The following DOCK7 variants were observed in gnomAD, a reference collection of about 807,000 sequenced individuals.
The protein encoded by DOCK7 is dedicator of cytokinesis protein 7.
Under a neutral mutation model 271.0 loss-of-function variants are expected in DOCK7, and 138 were observed. The observed-to-expected ratio is 0.51, with a 90% CI of 0.44 to 0.59. DOCK7 has a LOEUF of 0.59. Ranked by LOEUF, DOCK7 falls within the 20% of genes least tolerant of loss-of-function variation. DOCK7 has a pLI of 0.00. For missense variants in DOCK7, 2,066 were observed against 2,592.4 expected (o/e 0.80, Z 4.41); for synonymous variants, 823 against 876.1 (o/e 0.94, Z 1.07).
At position 62,539,824 on chromosome 1, in the gene DOCK7, T is replaced by C. The variant is rs771284732; in HGVS notation, c.3114A>G (p.Pro1038=). Residue 1038 remains proline (P), a synonymous_variant, in exon 26 of 50, where the codon CCA becomes CCG. Coordinates refer to ENST00000635253, the MANE Select transcript of DOCK7 (RefSeq NM_001367561.1). ...CTGCAATGTCATCCATGAAACGTTC[T>C]GGAAAACGACTTTTCCTTGGAGCCT... The part of the protein sequence containing the change: ...KLEAPRKSRF[P]ERFMDDIAAL... 5.6e-6 allele frequency: 9 copies of C among 1,613,792 alleles called. 1 individual carries two copies. The South Asian group carries it at 7.7e-5, about 14-fold the overall frequency.
Position 62,457,442 on chromosome 1 carries a change from G to C in DOCK7, c.6380+96C>G, listed in dbSNP as rs1320955227. 6 of 1,266,312 alleles carry C rather than the reference G, an allele frequency of 4.7e-6. No homozygotes were observed. In the African/African-American group the frequency reaches 6.0e-5, roughly 13 times the overall value. The allele number at this position is 1,266,312 out of a possible 1,614,324, so 78.4% of individuals were successfully genotyped here. On this transcript the variant is annotated intron_variant, in intron 49 of 49. Coordinates refer to ENST00000635253, the MANE Select transcript of DOCK7 (RefSeq NM_001367561.1). Reference sequence around the variant, plus strand: ...AACACTTCTGGTCCTAAGCTTTTCGGATGACAGATGCTCGAGCTGTAAAAA... The same window carrying C: ...AACACTTCTGGTCCTAAGCTTTTCGCATGACAGATGCTCGAGCTGTAAAAA...
chr1:62,645,066 C>T (rs1458553449), intron 7 of DOCK7, among the ~76,000 whole-genome samples: 3 of 152,028 alleles, frequency 2.0e-5, no homozygotes, highest in Non-Finnish European at 4.4e-5. Context: ...TTGGTGAAAA[C>T]GTGGAGAAAT....
chr1:62,604,296 T>C, intron 14 of DOCK7: 1 of 1,587,638 alleles, frequency 6.3e-7, no homozygotes, highest in Non-Finnish European at 8.6e-7. Context: ...CCCACATTAT[T>C]AGCTATTATC....
At position 62,620,002 on chromosome 1, in the gene DOCK7, A is replaced by G; in HGVS notation, c.1426-9T>C. 1 of 1,602,808 alleles carries G rather than the reference A, an allele frequency of 6.2e-7. No individual in the cohort carries two copies. The highest frequency in any genetic ancestry group is 1.1e-5 in the South Asian group (1 of 90,210). On this transcript the variant is annotated splice_polypyrimidine_tract_variant and intron_variant, in intron 12 of 49. Coordinates refer to ENST00000635253, the MANE Select transcript of DOCK7 (RefSeq NM_001367561.1). ...CTTAAGCGGTCTCCTTCCTGATTTCAATAATAGAGGAAAAAGTATTTGATA... is the reference window on the plus strand; with the variant it reads ...CTTAAGCGGTCTCCTTCCTGATTTCGATAATAGAGGAAAAAGTATTTGATA...
intron 11 of DOCK7, among the ~76,000 whole-genome samples, chr1:62,626,235 C>T (rs1653938331): frequency 6.6e-6 from 1 of 151,890 alleles, no homozygotes. Context: ...AAGCAGTGCT[C>T]GGGGGAGGAT....
At chr1:62,530,996 A>C (rs774750355) in intron 29 of DOCK7, 2 of 152,202 alleles carry the variant, frequency 1.3e-5, no homozygotes, top group Non-Finnish European at 2.9e-5. Context: ...CGGTGGGTGG[A>C]AAGTATACAT....
At chr1:62,531,316 C>T (rs1219947206) in intron 29 of DOCK7, among the ~76,000 whole-genome samples, 1 of 152,196 alleles carries the variant, frequency 6.6e-6, no homozygotes, top group African/African-American at 2.4e-5. Flanking sequence ...TTTTCATATG[C>T]TTACATTGCT....
chr1:62,585,625 T>C (rs1273261389), intron 15 of DOCK7, among the ~76,000 whole-genome samples: 9 of 152,182 alleles, frequency 5.9e-5, no homozygotes, highest in African/African-American at 2.2e-4. Flanking sequence ...CTGTCATTAC[T>C]GTTCACAGGC....
In DOCK7 at chr1:62,475,312, G is replaced by T; in HGVS notation, c.6001C>A (p.Gln2001Lys). The change falls in exon 47 of 50, where the codon CAG (glutamine) becomes AAG (lysine). Residue 2001 changes from glutamine (Q) to lysine (K), a missense_variant. Coordinates refer to ENST00000635253, the MANE Select transcript of DOCK7 (RefSeq NM_001367561.1). ...AATGCCAACTCCTGTGTCTTTTTCTGCATGTCCTCAATAGCAACTTCAATT... is the reference window on the plus strand; with the variant it reads ...AATGCCAACTCCTGTGTCTTTTTCTTCATGTCCTCAATAGCAACTTCAATT... ...TPIEVAIEDM[Q>K]KKTQELAFAT... 1 of 1,613,912 alleles carries T rather than the reference G, an allele frequency of 6.2e-7. No homozygotes were observed. Among genetic ancestry groups the T allele is most frequent in the Non-Finnish European group, 8.5e-7 (1 of 1,179,908 alleles).
intron 43 of DOCK7, among the ~76,000 whole-genome samples, chr1:62,480,095 C>T (rs925743219): frequency 6.6e-6 from 1 of 152,110 alleles, no homozygotes; most frequent in Non-Finnish European, 1.5e-5. Context: ...GGACTTGTTC[C>T]CTTTAGTTAA....
At chr1:62,682,852 T>C (rs759030948) in intron 1 of DOCK7, among the ~76,000 whole-genome samples, 1 of 151,702 alleles carries the variant, frequency 6.6e-6, no homozygotes, top group South Asian at 2.1e-4. Context: ...AAAAAGGGAG[T>C]AGATTGAAGA....
At chr1:62,578,116 G>A (rs1204245076) in intron 17 of DOCK7, among the ~76,000 whole-genome samples, 1 of 151,952 alleles carries the variant, frequency 6.6e-6, no homozygotes, top group African/African-American at 2.4e-5. Context: ...TAGAGATGGG[G>A]TTATGCCAAG....
In DOCK7 at chr1:62,513,516, T is replaced by C. The variant is rs1191035066; in HGVS notation, c.4210A>G (p.Ile1404Val). The C allele has an allele frequency of 5.0e-6, 8 of 1,614,016 alleles. No homozygotes were observed. Among genetic ancestry groups the C allele is most frequent in the East Asian group, 4.5e-5 (2 of 44,886 alleles). The change falls in exon 33 of 50, where the codon ATA becomes GTA. Residue 1404 changes from isoleucine to valine, a missense_variant. Transcript: ENST00000635253. The part of the protein sequence containing the change: ...AKLEEAILGS[I>V]GARQEMVRRS... ...CGTACCATTTCTTGCCTGGCACCTA[T>C]GCTCCCAAGAATAGCTTCTTCAAGC...
At chr1:62,464,031 A>G (rs1297722480) in intron 48 of DOCK7, among the ~76,000 whole-genome samples, 1 of 152,202 alleles carries the variant, frequency 6.6e-6, no homozygotes, top group Non-Finnish European at 1.5e-5. Flanking sequence ...AAACACATGG[A>G]AAAGTGCTTA....
At chr1:62,586,046 T>C (rs1486717033) in intron 15 of DOCK7, among the ~76,000 whole-genome samples, 1 of 152,092 alleles carries the variant, frequency 6.6e-6, no homozygotes, top group South Asian at 2.1e-4. Flanking sequence ...CATATTAAAA[T>C]CACCCACGGA....
intron 2 of DOCK7, among the ~76,000 whole-genome samples, 174 bp downstream of exon 2, chr1:62,662,851 A>C (rs1658827066): frequency 6.6e-6 from 1 of 152,206 alleles, no homozygotes; most frequent in African/African-American, 2.4e-5. Flanking sequence ...GGAAACTAGC[A>C]ATTCTATAAC....
chr1:62,631,434 G>T lies in DOCK7; in HGVS notation c.1117-29C>A, dbSNP rs375136760. ...CAAAACAGAACTTTATACATTATAT[G>T]ATTATACTTGAAAGAAATCAGTTAA... On this transcript the variant is annotated intron_variant, in intron 10 of 49. Transcript: ENST00000635253. The T allele has an allele frequency of 1.6e-5, 24 of 1,525,576 alleles. No individual in the cohort carries two copies. The African/African-American group carries it at 3.1e-4, about 20-fold the overall frequency. The allele number at this position is 1,525,576 out of a possible 1,614,324, so 94.5% of individuals were successfully genotyped here.
intron 28 of DOCK7, among the ~76,000 whole-genome samples, chr1:62,536,470 T>C (rs985667398): frequency 2.6e-5 from 4 of 152,198 alleles, no homozygotes; most frequent in Non-Finnish European, 5.9e-5. Flanking sequence ...TCTGTCTTTG[T>C]GTAGCTACAT....
intron 40 of DOCK7, 74 bp downstream of exon 40, chr1:62,494,201 C>A: frequency 7.5e-7 from 1 of 1,335,726 alleles, no homozygotes; most frequent in East Asian, 2.5e-5. Flanking sequence ...CTAAAAAAAT[C>A]TAAACACCAG....
Sources: allele counts gnomAD v4.1 joint callset (sites outside exome capture counted in the v4.1 genomes callset), GRCh38; gene constraint gnomAD v4.1.1; transcripts MANE v1.5; gene names NCBI Gene and HGNC (gene_info 2026-07-23, HGNC 2026-07-21).